Variants in PLPP3 observed in about 807,000 individuals in gnomAD.
The protein encoded by PLPP3 is phospholipid phosphatase 3, also known as PAP2 beta.
A neutral mutation model predicts 29.6 loss-of-function variants in PLPP3; 6 were observed. The observed-to-expected ratio is 0.20, with a 90% CI of 0.11 to 0.40. The LOEUF (loss-of-function observed/expected upper bound fraction) is 0.40, where lower values mean the gene tolerates loss of function less well. Ranked by LOEUF, PLPP3 falls within the 10% of genes least tolerant of loss-of-function variation. The pLI, the probability that PLPP3 is intolerant of heterozygous loss-of-function variation, is 1.00. For synonymous variants in PLPP3, 152 were observed against 159.7 expected, an observed-to-expected ratio of 0.95 and a Z score of 0.36; for missense variants, 308 against 407.7, an observed-to-expected ratio of 0.76 and a Z score of 2.11.
intron 1 of PLPP3, among the ~76,000 whole-genome samples, chr1:56,552,287 G>T (rs1006667116): frequency 6.6e-6 from 1 of 151,462 alleles, no homozygotes; most frequent in Non-Finnish European, 1.5e-5. Flanking sequence ...GCCCTGCCCA[G>T]ATCTACGTGA....
chr1:56,507,861 A>T (rs542251106), intron 5 of PLPP3, among the ~76,000 whole-genome samples: 120 of 152,146 alleles, frequency 7.9e-4, no homozygotes, highest in African/African-American at 2.6e-3. Flanking sequence ...TGTGTGTGTG[A>T]GAGAGAGAGG....
rs1039447377 is a variant in PLPP3 at position 56,498,047 on chromosome 1, T to TA, written c.811-1372dup. On this transcript the variant is annotated intron_variant, in intron 5 of 5. Coordinates refer to ENST00000371250, the MANE Select transcript of PLPP3 (RefSeq NM_003713.5). ...CATATAATAAGTATTATTTTGTTGT[T>TA]AAAAAAAAAAAGCTAGGCTATTTCT... Among the ~76,000 whole-genome samples, 1,453 of 145,678 alleles carry TA rather than the reference T, an allele frequency of 1.0e-2. 16 individuals are homozygous for TA. The highest frequency in any genetic ancestry group is 0.033 in the African/African-American group (1,313 of 39,886).
intron 1 of PLPP3, among the ~76,000 whole-genome samples, chr1:56,563,051 C>A (rs1263154285): frequency 6.6e-6 from 1 of 152,176 alleles, no homozygotes; most frequent in Non-Finnish European, 1.5e-5. Context: ...GGAGGAAGAG[C>A]CCTTGCTATG....
chr1:56,568,014 C>T (rs1376868984), intron 1 of PLPP3, among the ~76,000 whole-genome samples: 1 of 152,100 alleles, frequency 6.6e-6, no homozygotes, highest in African/African-American at 2.4e-5. Flanking sequence ...AAAAACCGTA[C>T]GCCAAGTGGA....
chr1:56,500,338 C>G (rs1036995004), intron 5 of PLPP3, among the ~76,000 whole-genome samples: 1 of 152,174 alleles, frequency 6.6e-6, no homozygotes, highest in Admixed American at 6.5e-5. Flanking sequence ...TGAGGAAGCA[C>G]AGAGAATGTG....
chr1:56,514,748 G>A (rs935668260), intron 4 of PLPP3, among the ~76,000 whole-genome samples: 8 of 152,134 alleles, frequency 5.3e-5, no homozygotes, highest in African/African-American at 1.9e-4. Context: ...GTAAGCAATG[G>A]TGAAAAATTA....
intron 2 of PLPP3, among the ~76,000 whole-genome samples, 175 bp downstream of exon 2, chr1:56,536,780 C>A (rs1229854648): frequency 6.6e-6 from 1 of 152,156 alleles, no homozygotes; most frequent in African/African-American, 2.4e-5. Flanking sequence ...GGGGTGATAG[C>A]ACTTACTTCA....
intron 1 of PLPP3, among the ~76,000 whole-genome samples, chr1:56,569,453 T>C (rs1271722485): frequency 6.6e-6 from 1 of 152,150 alleles, no homozygotes; most frequent in Admixed American, 6.5e-5. Context: ...ATTACAGGTG[T>C]GAGCCACTGC....
At chr1:56,519,300 C>A (rs1034444660) in intron 4 of PLPP3, among the ~76,000 whole-genome samples, 1 of 152,186 alleles carries the variant, frequency 6.6e-6, no homozygotes, top group African/African-American at 2.4e-5. Context: ...TCTACTGCCA[C>A]TCTCTGCTCC....
At chr1:56,535,478 T>C (rs778869585) in intron 2 of PLPP3, among the ~76,000 whole-genome samples, 4 of 152,192 alleles carry the variant, frequency 2.6e-5, no homozygotes, top group Non-Finnish European at 5.9e-5. Context: ...GCAATGCTGT[T>C]GCTCATTGTA....
chr1:56,572,793 T>C (rs1646208360), intron 1 of PLPP3, among the ~76,000 whole-genome samples: 1 of 152,190 alleles, frequency 6.6e-6, no homozygotes, highest in Non-Finnish European at 1.5e-5. Context: ...ACTTCATTCC[T>C]ACCTGATAAT....
At position 56,496,561 on chromosome 1, in the gene PLPP3, T is replaced by A. The variant is rs1645632273; in HGVS notation, c.926A>T (p.Asn309Ile). The change falls in exon 6 of 6, where the codon AAC becomes ATC. Residue 309 changes from asparagine (N) to isoleucine (I), a missense_variant. Coordinates refer to ENST00000371250, the MANE Select transcript of PLPP3 (RefSeq NM_003713.5). ...VDIIDRNNHHNMM is the reference protein window; with the variant it reads ...VDIIDRNNHHIMM ...GGAGGTGGGTGGCACCTACATCATG[T>A]TGTGGTGATTGTTCCTGTCAATAAT... 1 of 1,613,980 alleles carries A rather than the reference T, an allele frequency of 6.2e-7. No homozygotes were observed. The highest frequency in any genetic ancestry group is 8.5e-7 in the Non-Finnish European group (1 of 1,179,978).
rs553649702 is a variant in PLPP3, at chr1:56,558,130, A to C, written c.139+20748T>G. Among the ~76,000 whole-genome samples, 12 of 152,350 alleles carry C rather than the reference A, an allele frequency of 7.9e-5. No homozygotes were observed. In the South Asian group the frequency reaches 1.2e-3, roughly 16 times the overall value. On this transcript the variant is annotated intron_variant, in intron 1 of 5. Coordinates refer to ENST00000371250, the MANE Select transcript of PLPP3 (RefSeq NM_003713.5). ...AGGGAGGAGAGGGAGTATTATTTTAAGAGTTGCAAAAACAACTTCAGATTG... is the reference window on the plus strand; with the variant it reads ...AGGGAGGAGAGGGAGTATTATTTTACGAGTTGCAAAAACAACTTCAGATTG...
chr1:56,524,189 C>G lies in PLPP3; in HGVS notation c.575+88G>C. 1 of 1,505,578 alleles carries G rather than the reference C, an allele frequency of 6.6e-7. No individual in the cohort carries two copies. The highest frequency in any genetic ancestry group is 9.1e-7 in the Non-Finnish European group (1 of 1,103,744). The allele number at this position is 1,505,578 out of a possible 1,614,324, so 93.3% of individuals were successfully genotyped here. On this transcript the variant is annotated intron_variant, in intron 3 of 5. Transcript: ENST00000371250. The surrounding 1 kb of genome is among the most constrained non-coding windows in gnomAD (Gnocchi z 4.3). Reference sequence around the variant, plus strand: ...TAGGAACTATGCCTTATTCACCCATCTAAACCAGGGCCCAGCTAGTAAGTG... The same window carrying G: ...TAGGAACTATGCCTTATTCACCCATGTAAACCAGGGCCCAGCTAGTAAGTG...
rs777046381 is a variant in PLPP3 at position 56,578,882 on chromosome 1, G to T, written c.135C>A (p.Phe45Leu). 1.3e-6 allele frequency: 2 copies of T among 1,579,206 alleles called. No individual in the cohort carries two copies. The highest frequency in any genetic ancestry group is 1.8e-5 in the Admixed American group (1 of 56,418). Residue 45 changes from phenylalanine to leucine, a missense_variant, in exon 1 of 6, where the codon TTC (phenylalanine) becomes TTA (leucine). Physicochemically the swap from Phe to Leu is conservative, Grantham distance 22. Coordinates refer to ENST00000371250, the MANE Select transcript of PLPP3 (RefSeq NM_003713.5). ...LLICLDLFCL[F>L]MAGLPFLIIE... The stretch of plus-strand genomic sequence containing the variant: ...GGACAGCGGGGCTGGGCTCACCCAT[G>T]AAGAGGCAGAAGAGGTCGAGGCAGA...
chr1:56,575,066 C>T (rs1202503570), intron 1 of PLPP3, among the ~76,000 whole-genome samples: 1 of 152,178 alleles, frequency 6.6e-6, no homozygotes, highest in Non-Finnish European at 1.5e-5. Flanking sequence ...AAGAGCTCAG[C>T]AGAGTAGATG....
At chr1:56,561,210 G>A (rs1338580926) in intron 1 of PLPP3, among the ~76,000 whole-genome samples, 1 of 151,176 alleles carries the variant, frequency 6.6e-6, no homozygotes, top group East Asian at 1.9e-4. Flanking sequence ...TACAGCCCTA[G>A]CTTTTAGGGT....
intron 5 of PLPP3, among the ~76,000 whole-genome samples, chr1:56,501,631 A>C (rs371144917): frequency 2.6e-5 from 4 of 152,268 alleles, no homozygotes; most frequent in African/African-American, 9.6e-5. Context: ...CTGTGATCCC[A>C]GGGTGGAATA....
In PLPP3 at chr1:56,496,389, C is replaced by A; in HGVS notation, c.*162G>T. 4 of 767,358 alleles carry A rather than the reference C, an allele frequency of 5.2e-6. No individual in the cohort carries two copies. The highest frequency in any genetic ancestry group is 8.0e-6 in the Non-Finnish European group (4 of 499,276). The allele number at this position is 767,358 out of a possible 1,614,324, so 47.5% of individuals were successfully genotyped here. A position where few individuals can be genotyped will look rare whatever the true frequency, so the allele number is the denominator to read the frequency against. On this transcript the variant is annotated 3_prime_UTR_variant, in exon 6 of 6. Transcript: ENST00000371250. The stretch of plus-strand genomic sequence containing the variant: ...TTGTTTCCACATAGGCAAACACTAC[C>A]TATTTTGGAAGGCCACATAGTAAAA...
Sources: allele counts gnomAD v4.1 joint callset (sites outside exome capture counted in the v4.1 genomes callset), GRCh38; gene constraint gnomAD v4.1.1; non-coding constraint Gnocchi (gnomAD v3.1); transcripts MANE v1.5; gene names NCBI Gene and HGNC (gene_info 2026-07-23, HGNC 2026-07-21).